CTNNA2: variants seen among roughly 807,000 people sequenced by gnomAD.
CTNNA2 encodes the protein catenin alpha 2.
A neutral mutation model predicts 101.0 loss-of-function variants in CTNNA2; 42 were observed. That is an observed-to-expected ratio of 0.42 (90% CI 0.32 to 0.54). The LOEUF (loss-of-function observed/expected upper bound fraction) is 0.54, where lower values mean the gene tolerates loss of function less well. CTNNA2 is among the 20% of genes least tolerant of loss of function. The pLI is 0.14. For synonymous variants in CTNNA2, 450 were observed against 456.4 expected, an observed-to-expected ratio of 0.99 and a Z score of 0.18; for missense variants, 871 against 1,223.1, an observed-to-expected ratio of 0.71 and a Z score of 4.29.
At chr2:80,099,591 T>A (rs1486279857) in intron 7 of CTNNA2, among the ~76,000 whole-genome samples, 1 of 152,148 alleles carries the variant, frequency 6.6e-6, no homozygotes, top group Non-Finnish European at 1.5e-5. Flanking sequence ...AGTATTAATG[T>A]AATGTCAGAA....
chr2:79,842,132 A>G (rs993432261), intron 3 of CTNNA2, among the ~76,000 whole-genome samples: 8 of 152,236 alleles, frequency 5.3e-5, no homozygotes, highest in Non-Finnish European at 1.0e-4. Context: ...GCCACAAAGT[A>G]ATTATAAACA....
chr2:79,909,228 T>C (rs1685626490), intron 6 of CTNNA2, among the ~76,000 whole-genome samples: 1 of 152,254 alleles, frequency 6.6e-6, no homozygotes, highest in African/African-American at 2.4e-5. Flanking sequence ...TATCATGTTT[T>C]AGCTCTAAAA....
chr2:80,562,659 CTG>C (rs1488725433), intron 12 of CTNNA2, among the ~76,000 whole-genome samples: 3 of 152,100 alleles, frequency 2.0e-5, no homozygotes, highest in African/African-American at 4.8e-5. Flanking sequence ...TATTACAAGA[CTG>C]TAGGCTAGAA....
chr2:80,096,712 T>C (rs1158009499), intron 7 of CTNNA2, among the ~76,000 whole-genome samples: 2 of 152,226 alleles, frequency 1.3e-5, no homozygotes, highest in Non-Finnish European at 2.9e-5. Context: ...CATATATATT[T>C]AGGATAGTGA....
At chr2:80,643,358 A>G (rs533438405) in intron 18 of CTNNA2, among the ~76,000 whole-genome samples, 2 of 152,260 alleles carry the variant, frequency 1.3e-5, no homozygotes, top group Admixed American at 6.5e-5. Context: ...CTAAGTCTCA[A>G]TTGGTCAAGC....
intron 1 of CTNNA2, among the ~76,000 whole-genome samples, chr2:79,587,311 G>C (rs1676560036): frequency 6.6e-6 from 1 of 151,872 alleles, no homozygotes; most frequent in South Asian, 2.1e-4. Context: ...AGAAACCGTG[G>C]GCTGAGTTAT....
intron 9 of CTNNA2, among the ~76,000 whole-genome samples, chr2:80,480,796 C>T (rs1156407357): frequency 6.6e-6 from 1 of 152,012 alleles, no homozygotes; most frequent in Non-Finnish European, 1.5e-5. Flanking sequence ...TTCTCATTTG[C>T]CAAATGTGTC....
At chr2:79,523,200 C>T (rs745477259) in intron 1 of CTNNA2, 16 of 426,966 alleles carry the variant, frequency 3.7e-5, no homozygotes, top group South Asian at 2.8e-4. Context: ...TTTTGGCTGT[C>T]TACAGAGATA....
At chr2:80,063,011 CTGTG>C (rs1697716993) in intron 7 of CTNNA2, among the ~76,000 whole-genome samples, 1 of 152,026 alleles carries the variant, frequency 6.6e-6, no homozygotes, top group Admixed American at 6.5e-5. Flanking sequence ...GGCCAAAGCA[CTGTG>C]GCCCGGCCAA....
At chr2:79,614,119 G>A (rs1678467339) in intron 1 of CTNNA2, among the ~76,000 whole-genome samples, 1 of 151,984 alleles carries the variant, frequency 6.6e-6, no homozygotes, top group Non-Finnish European at 1.5e-5. Flanking sequence ...TAAATATACT[G>A]AGCAATATTT....
At chr2:80,280,057 G>A (rs1045855415) in intron 7 of CTNNA2, among the ~76,000 whole-genome samples, 2 of 151,716 alleles carry the variant, frequency 1.3e-5, no homozygotes, top group African/African-American at 4.8e-5. Context: ...TAAGGTCAGG[G>A]CCTCCGTCCT....
At chr2:79,432,489 G>T (rs951980078) in intron 4 of CTNNA2, among the ~76,000 whole-genome samples, 2 of 152,030 alleles carry the variant, frequency 1.3e-5, no homozygotes, top group Middle Eastern at 3.2e-3. Context: ...CTAGTTTTTG[G>T]TGATGTGTTG....
chr2:79,278,627 T>A (rs1394119141), intron 2 of CTNNA2, among the ~76,000 whole-genome samples: 2 of 152,114 alleles, frequency 1.3e-5, no homozygotes, highest in African/African-American at 4.8e-5. Flanking sequence ...AAATCCTAAT[T>A]TTTTCTATTT....
intron 4 of CTNNA2, among the ~76,000 whole-genome samples, chr2:79,433,143 C>T (rs1328583733): frequency 6.6e-6 from 1 of 152,202 alleles, no homozygotes; most frequent in Non-Finnish European, 1.5e-5. Context: ...CTCCCCTCAG[C>T]CTGATGTTCT....
intron 1 of CTNNA2, among the ~76,000 whole-genome samples, chr2:79,578,216 GT>G (rs899213025): frequency 2.0e-5 from 3 of 151,752 alleles, no homozygotes; most frequent in Admixed American, 6.6e-5. Flanking sequence ...TATTTGGTGT[GT>G]TTTTTTTCCT....
At chr2:80,567,052 A>T (rs3770319) in intron 12 of CTNNA2, among the ~76,000 whole-genome samples, 1,921 of 151,560 alleles carry the variant, frequency 0.013, 66 homozygotes, top group East Asian at 0.11. Flanking sequence ...GCACACACCT[A>T]TAAATACATA....
chr2:79,612,484 GA>G (rs1678344310), intron 1 of CTNNA2, among the ~76,000 whole-genome samples: 1 of 152,084 alleles, frequency 6.6e-6, no homozygotes, highest in Non-Finnish European at 1.5e-5. Flanking sequence ...CATTATTATA[GA>G]GGCAATCTAC....
chr2:80,600,877 TTTAA>T (rs1459436857), intron 15 of CTNNA2, among the ~76,000 whole-genome samples: 1 of 152,098 alleles, frequency 6.6e-6, no homozygotes, highest in African/African-American at 2.4e-5. Context: ...AGTATACGAC[TTTAA>T]TTAAAGTAAC....
chr2:80,244,351 T>A (rs964603307), intron 7 of CTNNA2, among the ~76,000 whole-genome samples: 5 of 152,246 alleles, frequency 3.3e-5, no homozygotes, highest in Admixed American at 1.3e-4. Flanking sequence ...AAAGTGGTTC[T>A]GACCATAGTC....
Sources: gnomAD v4.1 joint callset for allele counts (sites outside exome capture counted in the v4.1 genomes callset) on GRCh38, gnomAD v4.1.1 for gene constraint, MANE v1.5 for transcripts, NCBI Gene and HGNC (gene_info 2026-07-23, HGNC 2026-07-21) for gene names.